Variants in RBMS3 observed in about 807,000 individuals in gnomAD.
RBMS3 encodes RNA-binding motif, single-stranded-interacting protein 3.
Under a neutral mutation model 66.8 loss-of-function variants are expected in RBMS3, and 27 were observed. That is an observed-to-expected ratio of 0.40 (90% CI 0.30 to 0.56). The LOEUF (loss-of-function observed/expected upper bound fraction) is 0.56. RBMS3 is among the 20% of genes least tolerant of loss of function. RBMS3 has a pLI of 0.40. For synonymous variants in RBMS3, 188 were observed against 183.0 expected, an observed-to-expected ratio of 1.03 and a Z score of -0.22; for missense variants, 513 against 549.5, an observed-to-expected ratio of 0.93 and a Z score of 0.66.
chr3:29,828,753 T>C (rs1423473856), intron 6 of RBMS3, among the ~76,000 whole-genome samples: 4 of 152,136 alleles, frequency 2.6e-5, no homozygotes, highest in African/African-American at 9.7e-5. Flanking sequence ...GATGGAAAAT[T>C]AATTTGTAAA....
chr3:29,772,626 C>T (rs577711045), intron 6 of RBMS3, among the ~76,000 whole-genome samples: 36 of 151,890 alleles, frequency 2.4e-4, no homozygotes, highest in African/African-American at 7.0e-4. Flanking sequence ...AATTTACAGC[C>T]GAGGAGCAGC....
chr3:29,831,344 A>G (rs2058365102), intron 6 of RBMS3, among the ~76,000 whole-genome samples: 1 of 152,170 alleles, frequency 6.6e-6, no homozygotes, highest in Non-Finnish European at 1.5e-5. Context: ...TACCTTGGTC[A>G]TTGTCCCACA....
intron 6 of RBMS3, among the ~76,000 whole-genome samples, chr3:29,788,333 C>T (rs1404281008): frequency 6.6e-6 from 1 of 151,882 alleles, no homozygotes; most frequent in Non-Finnish European, 1.5e-5. Context: ...TCAAGTGATT[C>T]TCCTGCCCCA....
chr3:29,567,884 C>T (rs2046804729), intron 3 of RBMS3, among the ~76,000 whole-genome samples: 1 of 152,102 alleles, frequency 6.6e-6, no homozygotes, highest in Non-Finnish European at 1.5e-5. Flanking sequence ...GTAAAAATAG[C>T]TGATCTTTAT....
At chr3:29,438,569 G>T (rs1445575675) in intron 2 of RBMS3, among the ~76,000 whole-genome samples, 2 of 152,064 alleles carry the variant, frequency 1.3e-5, no homozygotes, top group African/African-American at 4.8e-5. Flanking sequence ...AAGAAAAGAA[G>T]ATAAGACTGA....
At chr3:29,545,174 T>C (rs1289158455) in intron 3 of RBMS3, among the ~76,000 whole-genome samples, 1 of 152,190 alleles carries the variant, frequency 6.6e-6, no homozygotes, top group African/African-American at 2.4e-5. Context: ...CAGTAAATGA[T>C]GTCACATATT....
At position 29,805,721 on chromosome 3, in the gene RBMS3, T is replaced by C. The variant is rs76164384; in HGVS notation, c.637+42732T>C. Among the ~76,000 whole-genome samples the C allele has an allele frequency of 8.8e-3, 1,344 of 152,150 alleles. 35 individuals carry two copies. In the East Asian group the frequency reaches 0.11, roughly 12 times the overall value. On this transcript the variant is annotated intron_variant, in intron 6 of 14. Coordinates refer to ENST00000383767, the MANE Select transcript of RBMS3 (RefSeq NM_001003793.3). ...AAAATTTTTTTGTACAGCTGTACAA[T>C]GTGTTTGTGTTTTAAGCTAAATGTG... is the stretch of plus-strand genomic sequence containing the variant.
At chr3:29,936,036 C>G (rs765814549) in intron 10 of RBMS3, 50 bp from the exon 11 acceptor site, 1 of 1,444,560 alleles carries the variant, frequency 6.9e-7, no homozygotes, top group Non-Finnish European at 9.6e-7. Context: ...TGTAAGAAGT[C>G]TCCTTCCTTG....
chr3:29,830,956 A>T (rs1024563904), intron 6 of RBMS3, among the ~76,000 whole-genome samples: 8 of 152,122 alleles, frequency 5.3e-5, no homozygotes, highest in Admixed American at 5.2e-4. Context: ...TAAAGAAGGG[A>T]TATACAGAGG....
intron 6 of RBMS3, among the ~76,000 whole-genome samples, chr3:29,860,141 T>G (rs1396489202): frequency 6.6e-6 from 1 of 152,180 alleles, no homozygotes; most frequent in African/African-American, 2.4e-5. Context: ...CCATAAATAT[T>G]TTTTGTTCCA....
intron 1 of RBMS3, among the ~76,000 whole-genome samples, chr3:29,378,781 C>T (rs2038616380): frequency 6.6e-6 from 1 of 151,458 alleles, no homozygotes; most frequent in Non-Finnish European, 1.5e-5. Context: ...TATCGAAAAT[C>T]TTAAAACGAT....
chr3:29,962,530 T>G (rs976940661), intron 12 of RBMS3, among the ~76,000 whole-genome samples: 4 of 135,064 alleles, frequency 3.0e-5, no homozygotes, highest in Non-Finnish European at 6.0e-5. Context: ...TAAAGCTCTG[T>G]TTTTAATATG....
chr3:29,774,808 C>A (rs2056361799), intron 6 of RBMS3, among the ~76,000 whole-genome samples: 1 of 151,952 alleles, frequency 6.6e-6, no homozygotes. Context: ...ATTACAAAGC[C>A]ACTCTTCTCT....
chr3:29,647,960 C>T (rs1478160086), intron 4 of RBMS3, among the ~76,000 whole-genome samples: 1 of 152,128 alleles, frequency 6.6e-6, no homozygotes, highest in African/African-American at 2.4e-5. Context: ...GTTACTGTAA[C>T]ACCATATATG....
At position 29,587,130 on chromosome 3, in the gene RBMS3, T is replaced by A; in HGVS notation, c.324T>A (p.Asp108Glu). The change falls in exon 4 of 15, where the codon GAT (aspartate) becomes GAA (glutamate). Residue 108 changes from aspartate (D) to glutamate (E), a missense_variant. Transcript: ENST00000383767. ...TNQCKGYGFV[D>E]FDSPAAAQKA... ...TTTTCACAGGTTATGGTTTTGTAGA[T>A]TTTGACAGTCCTGCAGCCGCACAGA... 6.2e-7 allele frequency: 1 copy of A among 1,610,560 alleles called. No individual in the cohort carries two copies. Among genetic ancestry groups the A allele is most frequent in the Non-Finnish European group, 8.5e-7 (1 of 1,178,682 alleles).
At chr3:29,592,584 G>A (rs2047780842) in intron 4 of RBMS3, among the ~76,000 whole-genome samples, 1 of 152,184 alleles carries the variant, frequency 6.6e-6, no homozygotes, top group Non-Finnish European at 1.5e-5. Flanking sequence ...TTCAACCATT[G>A]TGGCAGACAG....
At chr3:29,699,416 G>C (rs1313355855) in intron 4 of RBMS3, among the ~76,000 whole-genome samples, 1 of 152,126 alleles carries the variant, frequency 6.6e-6, no homozygotes, top group African/African-American at 2.4e-5. Flanking sequence ...CTAAGTGCTG[G>C]TATTACAGGC....
At chr3:29,420,947 G>GAAA (rs397757488) in intron 1 of RBMS3, among the ~76,000 whole-genome samples, 55 of 125,390 alleles carry the variant, frequency 4.4e-4, no homozygotes, top group African/African-American at 1.0e-3. Flanking sequence ...TACTAAAAAT[G>GAAA]AAAAAAAAAA....
rs1222102515 is a variant in RBMS3 at position 29,524,415 on chromosome 3, A to ATTTTTT, written c.307+35940_307+35945dup. ...GGAAGATATGAGTGACTCCCTTTAC[A>ATTTTTT]TTTTTTTTTTTTTTTTTTTTTTTTT... On this transcript the variant is annotated intron_variant, in intron 3 of 14. Transcript: ENST00000383767. Among the ~76,000 whole-genome samples the ATTTTTT allele has an allele frequency of 4.4e-4, 25 of 57,110 alleles. 4 individuals carry two copies. The highest frequency in any genetic ancestry group is 3.2e-3 in the East Asian group (5 of 1,586). The allele number at this position is 57,110 out of a possible 152,430, so 37.5% of individuals were successfully genotyped here. A position where few individuals can be genotyped will look rare whatever the true frequency, so the allele number is the denominator to read the frequency against.
Sources: gnomAD v4.1 joint callset for allele counts (sites outside exome capture counted in the v4.1 genomes callset) on GRCh38, gnomAD v4.1.1 for gene constraint, MANE v1.5 for transcripts, NCBI Gene and HGNC (gene_info 2026-07-23, HGNC 2026-07-21) for gene names.